CYREN: variants seen among roughly 807,000 people sequenced by gnomAD.
The protein encoded by CYREN is cell cycle regulator of NHEJ, also known as cell cycle regulator of non-homologous end joining.
A neutral mutation model predicts 9.7 loss-of-function variants in CYREN; 7 were observed. The ratio of observed to expected loss-of-function variants is 0.72; its 90% CI spans 0.41 to 1.36. The LOEUF is 1.36. Among genes scored for constraint, CYREN ranks in the 40% most tolerant of loss-of-function variants. The probability of loss-of-function intolerance (pLI) is 0.01; values close to 1 mark genes in which losing one functional copy is unlikely to be tolerated. For missense variants in CYREN, 215 were observed against 198.1 expected (o/e 1.09, Z -0.51); for synonymous variants, 76 against 77.9 (o/e 0.98, Z 0.13).
chr7:135,137,602 C>A (rs1829376173), intron 2 of CYREN, among the ~76,000 whole-genome samples: 1 of 151,770 alleles, frequency 6.6e-6, no homozygotes, highest in East Asian at 1.9e-4. Flanking sequence ...GAAAAAAACA[C>A]CTTATGTATA....
At chr7:135,163,282 T>C (rs542223742), downstream of CYREN, among the ~76,000 whole-genome samples, 9 of 152,326 alleles carry the variant, frequency 5.9e-5, no homozygotes, top group South Asian at 1.9e-3. Flanking sequence ...AAAATATTGG[T>C]AGAATATTAA....
At chr7:135,119,745 C>T (rs1188445019) in intron 2 of CYREN, among the ~76,000 whole-genome samples, 2 of 152,112 alleles carry the variant, frequency 1.3e-5, no homozygotes, top group Admixed American at 6.5e-5. Flanking sequence ...GGCGTGGCAG[C>T]GGGTGCCTGT....
intron 2 of CYREN, chr7:135,134,951 G>C (rs1307947456): frequency 6.4e-7 from 1 of 1,551,128 alleles, no homozygotes; most frequent in Non-Finnish European, 8.7e-7. Context: ...TCTTCAGAAT[G>C]GGTCCAGTCT....
intron 2 of CYREN, among the ~76,000 whole-genome samples, chr7:135,145,851 T>C (rs1048203110): frequency 6.6e-6 from 1 of 152,146 alleles, no homozygotes; most frequent in African/African-American, 2.4e-5. Context: ...CCAGTGCATA[T>C]AAAAGTCATG....
intron 2 of CYREN, among the ~76,000 whole-genome samples, chr7:135,136,807 C>CA (rs1177833760): frequency 2.0e-5 from 3 of 151,734 alleles, no homozygotes; most frequent in Non-Finnish European, 4.4e-5. Context: ...TGTGGATGAC[C>CA]AAAAAAGGTG....
chr7:135,159,177 G>A lies in CYREN; in HGVS notation n.356+9572C>T, dbSNP rs921706712. Among the ~76,000 whole-genome samples the A allele has an allele frequency of 1.6e-4, 25 of 152,162 alleles. 1 individual carries two copies. Among genetic ancestry groups the A allele is most frequent in the African/African-American group, 3.9e-4 (16 of 41,430 alleles). On this transcript the variant is annotated intron_variant and non_coding_transcript_variant, in intron 2 of 2. Coordinates refer to the CYREN transcript ENST00000459937. ...TCTCATGTTTCCCATATCTTTTCTG[G>A]TTTATCCTAGCATTCTCTCCTAGAC...
intron 2 of CYREN, among the ~76,000 whole-genome samples, chr7:135,153,882 C>A (rs1458844373): frequency 5.3e-5 from 8 of 152,094 alleles, no homozygotes. Context: ...ATTCCTTTCT[C>A]CTTGATTTTT....
At chr7:135,107,597 A>C (rs1185854729) in intron 2 of CYREN, among the ~76,000 whole-genome samples, 2 of 152,110 alleles carry the variant, frequency 1.3e-5, no homozygotes, top group African/African-American at 4.8e-5. Context: ...TTATGATTTC[A>C]GTTCTTTTGC....
intron 2 of CYREN, among the ~76,000 whole-genome samples, chr7:135,150,464 T>C (rs73725240): frequency 0.037 from 5,597 of 152,292 alleles, 333 homozygotes; most frequent in African/African-American, 0.13. Flanking sequence ...TGTGTGGCAC[T>C]GATTCCCCAG....
intron 2 of CYREN, among the ~76,000 whole-genome samples, chr7:135,097,600 T>C (rs11771999): frequency 0.48 from 73,683 of 151,936 alleles, 18,237 homozygotes; most frequent in South Asian, 0.66. Flanking sequence ...GTCTTCCATA[T>C]GTTGTACTGT....
At chr7:135,142,800 T>C (rs982401439) in intron 2 of CYREN, among the ~76,000 whole-genome samples, 2 of 150,790 alleles carry the variant, frequency 1.3e-5, no homozygotes, top group Non-Finnish European at 1.5e-5. Context: ...AAAACTCTGA[T>C]GAAAAAAAAA....
At chr7:135,164,765 T>G, downstream of CYREN, 1 of 1,614,156 alleles carries the variant, frequency 6.2e-7, no homozygotes, top group Non-Finnish European at 8.5e-7. Context: ...AGTGCAACAG[T>G]GATGAGAGAG....
chr7:135,143,838 C>G (rs1219663501), intron 2 of CYREN, among the ~76,000 whole-genome samples: 1 of 152,162 alleles, frequency 6.6e-6, no homozygotes, highest in Middle Eastern at 3.2e-3. Context: ...CATATTTATT[C>G]AGAAAATTTA....
downstream of CYREN, chr7:135,164,330 A>G: frequency 8.8e-7 from 1 of 1,139,570 alleles, no homozygotes; most frequent in Non-Finnish European, 1.3e-6. Flanking sequence ...ATGAGTTTGT[A>G]AGAAATGCCA....
chr7:135,093,032 C>G (rs1319933257), exon 3 of CYREN: 3 of 116,148 alleles, frequency 2.6e-5, no homozygotes, highest in Non-Finnish European at 3.9e-5. Flanking sequence ...GAATCTTCCT[C>G]TACTAAAAAA....
chr7:135,110,528 C>G (rs1825476809), intron 2 of CYREN, among the ~76,000 whole-genome samples: 1 of 152,278 alleles, frequency 6.6e-6, no homozygotes, highest in African/African-American at 2.4e-5. Context: ...CTGCAAAGAT[C>G]TGTGGGAGAA....
chr7:135,171,856 A>G (rs1830673010), upstream of CYREN, among the ~76,000 whole-genome samples: 1 of 152,218 alleles, frequency 6.6e-6, no homozygotes, highest in Admixed American at 6.5e-5. Context: ...CGGGTAGGAA[A>G]TGGCCCCGGT....
exon 3 of CYREN, chr7:135,093,016 A>G (rs1822080851): frequency 1.4e-5 from 2 of 148,134 alleles, no homozygotes; most frequent in South Asian, 2.3e-4. Flanking sequence ...CAAATTAGGA[A>G]AGATAGAATC....
exon 3 of CYREN, chr7:135,092,595 A>G (rs894896670): frequency 6.6e-6 from 1 of 152,194 alleles, no homozygotes; most frequent in African/African-American, 2.4e-5. Context: ...TGACAAGTAA[A>G]TAGACATAGT....
Sources: gnomAD v4.1 joint callset for allele counts (sites outside exome capture counted in the v4.1 genomes callset) on GRCh38, gnomAD v4.1.1 for gene constraint, MANE v1.5 for transcripts, NCBI Gene and HGNC (gene_info 2026-07-23, HGNC 2026-07-21) for gene names.